The following TUSC3 variants were observed in gnomAD, a reference collection of about 807,000 sequenced individuals.
TUSC3 encodes the protein tumor suppressor candidate 3.
In TUSC3, 45 loss-of-function variants were observed where a neutral mutation model predicts 44.8. The ratio of observed to expected loss-of-function variants is 1.00; its 90% CI spans 0.79 to 1.29. The LOEUF is 1.29. Ranked by LOEUF, TUSC3 falls within the 50% of genes most tolerant of loss-of-function variation. TUSC3 has a pLI of 0.00. For synonymous variants in TUSC3, 212 were observed against 152.9 expected (o/e 1.39, Z -2.85); for missense variants, 519 against 437.9 (o/e 1.19, Z -1.65).
rs1256616340 is a variant in TUSC3 at position 15,765,472 on chromosome 8, G to A, written c.*1316G>A. On this transcript the variant is annotated 3_prime_UTR_variant, in exon 11 of 11. Coordinates refer to ENST00000503731, the MANE Select transcript of TUSC3 (RefSeq NM_006765.4). ...ATATAGCCTCAAACAAGAAACGGGTGTACAACCATTGAGTTTACTTACTTA... is the reference window on the plus strand; with the variant it reads ...ATATAGCCTCAAACAAGAAACGGGTATACAACCATTGAGTTTACTTACTTA... 6.6e-6 allele frequency: 1 copy of A among 151,966 alleles called. No homozygotes were observed. Among genetic ancestry groups the A allele is most frequent in the Non-Finnish European group, 1.5e-5 (1 of 67,938 alleles). The allele number at this position is 151,966 out of a possible 1,614,324, so 9.4% of individuals were successfully genotyped here. A position where few individuals can be genotyped will look rare whatever the true frequency, so the allele number is the denominator to read the frequency against.
intron 1 of TUSC3, among the ~76,000 whole-genome samples, chr8:15,481,247 CAAAA>C (rs57956608): frequency 3.6e-5 from 3 of 83,058 alleles, no homozygotes; most frequent in Non-Finnish European, 2.5e-5. Context: ...AACTCCATCT[CAAAA>C]AAAAAAAAAA....
intron 1 of TUSC3, among the ~76,000 whole-genome samples, chr8:15,607,101 C>G (rs965753437): frequency 5.9e-5 from 9 of 151,952 alleles, no homozygotes; most frequent in Admixed American, 1.3e-4. Flanking sequence ...GATCATAATC[C>G]CAAATGTTTT....
At chr8:15,645,548 C>G (rs191653125) in intron 2 of TUSC3, among the ~76,000 whole-genome samples, 1 of 152,138 alleles carries the variant, frequency 6.6e-6, no homozygotes, top group African/African-American at 2.4e-5. Context: ...TATTTATGTA[C>G]TAGAGTGCTT....
At chr8:15,509,042 G>A (rs1801097814) in intron 2 of TUSC3, among the ~76,000 whole-genome samples, 1 of 152,160 alleles carries the variant, frequency 6.6e-6, no homozygotes, top group African/African-American at 2.4e-5. Context: ...GGGAAGTGTT[G>A]AAGGGTGTGA....
chr8:15,476,053 C>A (rs1402731235), intron 1 of TUSC3, among the ~76,000 whole-genome samples: 1 of 152,102 alleles, frequency 6.6e-6, no homozygotes, highest in African/African-American at 2.4e-5. Flanking sequence ...CTTGTTTGCT[C>A]CTACTTAGAA....
chr8:15,844,220 T>C, the TUSC3 span, among the ~76,000 whole-genome samples: 1 of 152,186 alleles, frequency 6.6e-6, no homozygotes, highest in African/African-American at 2.4e-5. Flanking sequence ...TGTGATTGTT[T>C]GGTTATGTCT....
intron 1 of TUSC3, among the ~76,000 whole-genome samples, chr8:15,419,616 T>C (rs898965119): frequency 2.6e-5 from 4 of 152,178 alleles, no homozygotes; most frequent in African/African-American, 9.6e-5. Context: ...AAGCAGTGAA[T>C]TCAATTAAAT....
intron 6 of TUSC3, among the ~76,000 whole-genome samples, chr8:15,676,293 C>T (rs974353787): frequency 2.0e-5 from 3 of 152,082 alleles, no homozygotes; most frequent in East Asian, 3.9e-4. Flanking sequence ...AGTGTCTGTT[C>T]ATGTCTTTGC....
intron 6 of TUSC3, among the ~76,000 whole-genome samples, chr8:15,689,776 A>G (rs985850727): frequency 5.9e-5 from 9 of 151,716 alleles, no homozygotes; most frequent in South Asian, 2.1e-4. Flanking sequence ...ATGTTTCTGC[A>G]AAGCACATGA....
At chr8:15,804,702 C>G in the TUSC3 span, among the ~76,000 whole-genome samples, 5 of 152,202 alleles carry the variant, frequency 3.3e-5, no homozygotes, top group South Asian at 2.1e-4. Flanking sequence ...TGTACCAGTA[C>G]CATGTGGTTT....
chr8:15,794,845 C>A, the TUSC3 span, among the ~76,000 whole-genome samples: 3 of 152,148 alleles, frequency 2.0e-5, no homozygotes, highest in African/African-American at 7.2e-5. Context: ...GAGAGACGAA[C>A]TATCTTCCAT....
intron 7 of TUSC3, among the ~76,000 whole-genome samples, chr8:15,736,297 C>T (rs1810934845): frequency 6.6e-6 from 1 of 152,030 alleles, no homozygotes. Context: ...TTCAAATGTC[C>T]AAAATTCAGT....
At chr8:15,747,337 A>G (rs1811460833) in intron 8 of TUSC3, among the ~76,000 whole-genome samples, 1 of 151,992 alleles carries the variant, frequency 6.6e-6, no homozygotes, top group Non-Finnish European at 1.5e-5. Flanking sequence ...AATTGTTTAG[A>G]ATTCTCTGAA....
chr8:15,431,050 C>G (rs1473690334), intron 1 of TUSC3, among the ~76,000 whole-genome samples: 1 of 151,642 alleles, frequency 6.6e-6, no homozygotes, highest in African/African-American at 2.4e-5. Context: ...ATGTATCAGT[C>G]TTTGTGCCAG....
intron 1 of TUSC3, among the ~76,000 whole-genome samples, chr8:15,613,435 C>A (rs187903113): frequency 2.9e-4 from 44 of 152,228 alleles, no homozygotes; most frequent in Non-Finnish European, 5.3e-4. Flanking sequence ...TTGTAAGATG[C>A]AGTGCTAAGA....
intron 1 of TUSC3, among the ~76,000 whole-genome samples, chr8:15,618,956 G>A (rs193183771): frequency 2.0e-5 from 3 of 152,254 alleles, no homozygotes; most frequent in Non-Finnish European, 4.4e-5. Flanking sequence ...TAACATCACT[G>A]CGACACATGA....
the TUSC3 span, among the ~76,000 whole-genome samples, chr8:15,808,027 A>C: frequency 6.6e-6 from 1 of 152,146 alleles, no homozygotes; most frequent in African/African-American, 2.4e-5. Flanking sequence ...TGAAAGTTGA[A>C]ATTATTTTTA....
intron 1 of TUSC3, among the ~76,000 whole-genome samples, chr8:15,460,621 G>A (rs548837239): frequency 2.8e-4 from 43 of 152,170 alleles, no homozygotes; most frequent in African/African-American, 9.9e-4. Flanking sequence ...TGTCTAGAAG[G>A]GTTTTTCCAA....
chr8:15,551,337 C>T (rs183944719), intron 1 of TUSC3, among the ~76,000 whole-genome samples: 119 of 151,636 alleles, frequency 7.8e-4, no homozygotes, highest in Middle Eastern at 3.4e-3. Flanking sequence ...GGTAGTTTCT[C>T]TATATATCAA....
Sources: allele counts gnomAD v4.1 joint callset (sites outside exome capture counted in the v4.1 genomes callset), GRCh38; gene constraint gnomAD v4.1.1; transcripts MANE v1.5; gene names NCBI Gene and HGNC (gene_info 2026-07-23, HGNC 2026-07-21).